Variants in KCNN2 observed in about 807,000 individuals in gnomAD.
KCNN2 encodes small conductance calcium-activated potassium channel protein 2.
Under a neutral mutation model 55.5 loss-of-function variants are expected in KCNN2, and 24 were observed. That is an observed-to-expected ratio of 0.43 (90% CI 0.31 to 0.61). The LOEUF is 0.61. Among genes scored for constraint, KCNN2 ranks in the 20% least tolerant of loss-of-function variants. KCNN2 has a pLI of 0.08. For synonymous variants in KCNN2, 431 were observed against 336.1 expected, an observed-to-expected ratio of 1.28 and a Z score of -3.09; for missense variants, 754 against 853.6, an observed-to-expected ratio of 0.88 and a Z score of 1.45.
intron 1 of KCNN2, among the ~76,000 whole-genome samples, chr5:114,158,171 A>G (rs535670906): frequency 0.018 from 2,725 of 152,086 alleles, 75 homozygotes; most frequent in African/African-American, 0.061. Flanking sequence ...ATCTTGAATT[A>G]ATTTTTGTAT....
chr5:114,356,011 G>A (rs985191673), intron 2 of KCNN2, among the ~76,000 whole-genome samples: 1 of 152,078 alleles, frequency 6.6e-6, no homozygotes, highest in Non-Finnish European at 1.5e-5. Context: ...TCAGAGAAAC[G>A]AAAAAGCCAG....
chr5:114,157,670 G>A (rs1752665825), intron 1 of KCNN2, among the ~76,000 whole-genome samples: 1 of 152,136 alleles, frequency 6.6e-6, no homozygotes, highest in Admixed American at 6.6e-5. Flanking sequence ...AGCACCTGTT[G>A]TTTCCTGACT....
At chr5:114,414,145 T>C (rs1759224566) in intron 3 of KCNN2, among the ~76,000 whole-genome samples, 2 of 152,206 alleles carry the variant, frequency 1.3e-5, no homozygotes, top group Non-Finnish European at 2.9e-5. Context: ...TATTTTAAAA[T>C]GTTTCCTTAA....
At chr5:114,313,279 T>C (rs1163453354) in intron 2 of KCNN2, among the ~76,000 whole-genome samples, 1 of 152,152 alleles carries the variant, frequency 6.6e-6, no homozygotes, top group Non-Finnish European at 1.5e-5. Context: ...TCCTCAGTTA[T>C]TAACTTCAAG....
chr5:114,124,353 A>G (rs1484900561), intron 1 of KCNN2, among the ~76,000 whole-genome samples: 1 of 152,210 alleles, frequency 6.6e-6, no homozygotes, highest in African/African-American at 2.4e-5. Context: ...TCACAGAACA[A>G]ATGCCATGGA....
chr5:114,257,134 A>G (rs992140291), intron 2 of KCNN2, among the ~76,000 whole-genome samples: 5 of 151,912 alleles, frequency 3.3e-5, no homozygotes, highest in South Asian at 4.1e-4. Context: ...CCTAGTGTAT[A>G]TTTTTATCAA....
intron 1 of KCNN2, among the ~76,000 whole-genome samples, chr5:114,209,802 T>C (rs1266214622): frequency 2.0e-5 from 3 of 152,236 alleles, no homozygotes; most frequent in Admixed American, 2.0e-4. Context: ...TGCTGAAATA[T>C]GAAATGTCAC....
chr5:114,237,650 C>G (rs546150805), intron 2 of KCNN2, among the ~76,000 whole-genome samples: 34 of 152,090 alleles, frequency 2.2e-4, no homozygotes, highest in Non-Finnish European at 4.4e-4. Flanking sequence ...AAAACACAAT[C>G]TAAAGTTTGA....
At chr5:114,445,345 C>T (rs186160595) in intron 3 of KCNN2, among the ~76,000 whole-genome samples, 7 of 152,182 alleles carry the variant, frequency 4.6e-5, no homozygotes, top group African/African-American at 1.7e-4. Flanking sequence ...TCATGAGATC[C>T]CTTTTCAATT....
chr5:114,164,634 C>T (rs948125249), intron 1 of KCNN2, among the ~76,000 whole-genome samples: 4 of 151,994 alleles, frequency 2.6e-5, no homozygotes, highest in Non-Finnish European at 4.4e-5. Flanking sequence ...AAGGAAGGGC[C>T]AGAATGTGTC....
chr5:114,134,054 A>C (rs1207050255), intron 1 of KCNN2, among the ~76,000 whole-genome samples: 1 of 152,074 alleles, frequency 6.6e-6, no homozygotes, highest in South Asian at 2.1e-4. Context: ...CCATTTCCAC[A>C]TGGCAACTGG....
At chr5:114,166,845 G>T (rs1752923272) in intron 1 of KCNN2, among the ~76,000 whole-genome samples, 1 of 152,076 alleles carries the variant, frequency 6.6e-6, no homozygotes, top group African/African-American at 2.4e-5. Flanking sequence ...TGAGATCAGT[G>T]CCCTTTTAAG....
intron 3 of KCNN2, among the ~76,000 whole-genome samples, chr5:114,410,226 T>C (rs1173499147): frequency 1.3e-5 from 2 of 152,190 alleles, no homozygotes; most frequent in Non-Finnish European, 2.9e-5. Flanking sequence ...TTGGGAATTA[T>C]CCAATCCTGA....
chr5:114,162,442 A>G (rs10038795), intron 1 of KCNN2, among the ~76,000 whole-genome samples: 114,949 of 151,986 alleles, frequency 0.76, 43,645 homozygotes, highest in East Asian at 0.91. Context: ...TAGGCTACTC[A>G]GGGGTCAGGG....
intron 2 of KCNN2, among the ~76,000 whole-genome samples, chr5:114,238,274 C>T (rs1328446680): frequency 4.6e-5 from 7 of 152,126 alleles, no homozygotes; most frequent in Non-Finnish European, 1.0e-4. Flanking sequence ...AGAAAATATA[C>T]ACTATTTCCA....
chr5:114,241,315 A>T (rs1313963432), intron 2 of KCNN2, among the ~76,000 whole-genome samples: 2 of 151,958 alleles, frequency 1.3e-5, no homozygotes, highest in Admixed American at 1.3e-4. Flanking sequence ...TAGATAACGA[A>T]TATAGTAGGA....
chr5:114,337,682 C>T (rs1561576301), intron 2 of KCNN2, among the ~76,000 whole-genome samples: 1 of 152,132 alleles, frequency 6.6e-6, no homozygotes, highest in African/African-American at 2.4e-5. Context: ...TGGTGAATGA[C>T]CACAGACAAT....
intron 2 of KCNN2, among the ~76,000 whole-genome samples, chr5:114,330,192 T>C (rs1409494329): frequency 2.0e-5 from 3 of 152,226 alleles, no homozygotes; most frequent in Non-Finnish European, 2.9e-5. Context: ...ATGCTGATGC[T>C]GTACTCAGAT....
chr5:114,096,960 G>A (rs932512108), intron 1 of KCNN2, among the ~76,000 whole-genome samples: 2 of 151,946 alleles, frequency 1.3e-5, no homozygotes, highest in African/African-American at 2.4e-5. Flanking sequence ...ATATAGATGA[G>A]ACACTGAGAC....
Sources: allele counts gnomAD v4.1 joint callset (sites outside exome capture counted in the v4.1 genomes callset), GRCh38; gene constraint gnomAD v4.1.1; transcripts MANE v1.5; gene names NCBI Gene and HGNC (gene_info 2026-07-23, HGNC 2026-07-21).